SLC5A3: variants seen among roughly 807,000 people sequenced by gnomAD.
SLC5A3 encodes the protein solute carrier family 5 member 3, also known as sodium/myo-inositol cotransporter.
Under a neutral mutation model 43.2 loss-of-function variants are expected in SLC5A3, and 10 were observed. The ratio of observed to expected loss-of-function variants is 0.23; its 90% CI spans 0.14 to 0.39. SLC5A3 has a LOEUF of 0.39. Ranked by LOEUF, SLC5A3 falls within the 10% of genes least tolerant of loss-of-function variation. The probability of loss-of-function intolerance (pLI) is 1.00; values close to 1 mark genes in which losing one functional copy is unlikely to be tolerated. For missense variants in SLC5A3, 608 were observed against 893.4 expected (o/e 0.68, Z 4.07); for synonymous variants, 349 against 322.0 (o/e 1.08, Z -0.90).
In SLC5A3 at chr21:34,100,075, G is replaced by A; in HGVS notation, c.*2720G>A. The stretch of plus-strand genomic sequence containing the variant: ...GACATTGGTCTTTAGACATTAACAT[G>A]TGTATATTTTTATATTAGCTCAAGC... On this transcript the variant is annotated 3_prime_UTR_variant, in exon 2 of 2. Transcript: ENST00000381151. 5 of 997,484 alleles carry A rather than the reference G, an allele frequency of 5.0e-6. No homozygotes were observed. The highest frequency in any genetic ancestry group is 6.0e-6 in the Non-Finnish European group (5 of 827,572). 61.8% of individuals were successfully genotyped at this position (997,484 alleles called of 1,614,324 possible). A position where few individuals can be genotyped will look rare whatever the true frequency, so the allele number is the denominator to read the frequency against.
intron 1 of SLC5A3, among the ~76,000 whole-genome samples, chr21:34,087,247 G>A (rs1159767472): frequency 3.0e-5 from 3 of 99,024 alleles, no homozygotes; most frequent in Non-Finnish European, 6.0e-5. Context: ...ACTGGTGGAG[G>A]AGGGAGGAGG....
Position 34,103,126 on chromosome 21 carries a change from A to G in SLC5A3, c.*5771A>G. The G allele has an allele frequency of 1.0e-6, 1 of 1,000,166 alleles. No individual in the cohort carries two copies. Among genetic ancestry groups the G allele is most frequent in the Non-Finnish European group, 1.2e-6 (1 of 829,932 alleles). The allele number at this position is 1,000,166 out of a possible 1,614,324, so 62.0% of individuals were successfully genotyped here. On this transcript the variant is annotated 3_prime_UTR_variant, in exon 2 of 2. Coordinates refer to ENST00000381151, the MANE Select transcript of SLC5A3 (RefSeq NM_006933.7). ...CAGAAACGAGGCTTATTGCTATTGC[A>G]GAAATCCCAAACTGGCAAAGGCCAG...
intron 1 of SLC5A3, among the ~76,000 whole-genome samples, chr21:34,074,818 C>CA (rs1438516222): frequency 6.6e-6 from 1 of 152,220 alleles, no homozygotes; most frequent in Non-Finnish European, 1.5e-5. Context: ...GGAGTATTAC[C>CA]AAGTTTGGTT....
intron 1 of SLC5A3, among the ~76,000 whole-genome samples, chr21:34,089,499 G>C (rs975652977): frequency 2.0e-5 from 3 of 152,062 alleles, no homozygotes; most frequent in African/African-American, 7.3e-5. Flanking sequence ...AAAAATTCAT[G>C]ATGAGCCAAA....
In SLC5A3 at chr21:34,103,468, A is replaced by T. The variant is rs1979339477; in HGVS notation, c.*6113A>T. 2.0e-6 allele frequency: 2 copies of T among 998,872 alleles called. No individual in the cohort carries two copies. The highest frequency in any genetic ancestry group is 2.4e-6 in the Non-Finnish European group (2 of 828,794). 61.9% of individuals were successfully genotyped at this position (998,872 alleles called of 1,614,324 possible). A position where few individuals can be genotyped will look rare whatever the true frequency, so the allele number is the denominator to read the frequency against. Reference sequence around the variant, plus strand: ...AACTTAAAGTTACTTATGTTCTGTGATCTTAATTTTGTTGTGTTTCCATTG... The same window carrying T: ...AACTTAAAGTTACTTATGTTCTGTGTTCTTAATTTTGTTGTGTTTCCATTG... On this transcript the variant is annotated 3_prime_UTR_variant, in exon 2 of 2. Coordinates refer to ENST00000381151, the MANE Select transcript of SLC5A3 (RefSeq NM_006933.7).
At position 34,095,339 on chromosome 21, in the gene SLC5A3, C is replaced by T. The variant is rs558788508; in HGVS notation, c.141C>T (p.Thr47=). The change falls in exon 2 of 2, where the codon ACC becomes ACT. Residue 47 remains threonine, a synonymous_variant. Transcript: ENST00000381151. ...ACTTCCTGGCGGGGCGCTCTATGACCTGGGTAGCAATTGGTGCCTCTCTGT... is the reference window on the plus strand; with the variant it reads ...ACTTCCTGGCGGGGCGCTCTATGACTTGGGTAGCAATTGGTGCCTCTCTGT... The part of the protein sequence containing the change: ...SGYFLAGRSM[T]WVAIGASLFV... 3 of 1,614,124 alleles carry T rather than the reference C, an allele frequency of 1.9e-6. No homozygotes were observed. The highest frequency in any genetic ancestry group is 2.2e-5 in the South Asian group (2 of 91,084).
chr21:34,105,577 A>T lies in SLC5A3; in HGVS notation c.*8222A>T. The T allele has an allele frequency of 1.0e-6, 1 of 1,000,062 alleles. No individual in the cohort carries two copies. Among genetic ancestry groups the T allele is most frequent in the Non-Finnish European group, 1.2e-6 (1 of 829,822 alleles). 61.9% of individuals were successfully genotyped at this position (1,000,062 alleles called of 1,614,324 possible). On this transcript the variant is annotated 3_prime_UTR_variant, in exon 2 of 2. Coordinates refer to ENST00000381151, the MANE Select transcript of SLC5A3 (RefSeq NM_006933.7). Reference sequence around the variant, plus strand: ...ATGATGCTTTGTTCAGATTTTTTGTAAGAGACCAGTTAGTACACTGGGGGT... The same window carrying T: ...ATGATGCTTTGTTCAGATTTTTTGTTAGAGACCAGTTAGTACACTGGGGGT...
In SLC5A3 at chr21:34,095,862, C is replaced by T; in HGVS notation, c.664C>T (p.Pro222Ser). 1 of 1,614,062 alleles carries T rather than the reference C, an allele frequency of 6.2e-7. No individual in the cohort carries two copies. Among genetic ancestry groups the T allele is most frequent in the Non-Finnish European group, 8.5e-7 (1 of 1,179,990 alleles). Reference protein sequence around the residue: ...EVKRRYMLASPDVTSILLTYN... With the variant: ...EVKRRYMLASSDVTSILLTYN... ...TAAGAGAAGGTACATGTTGGCCTCA[C>T]CCGATGTCACTTCCATCTTATTGAC... Residue 222 changes from proline (P) to serine (S), a missense_variant, in exon 2 of 2, where the codon CCC becomes TCC. Physicochemically the swap from Pro to Ser is moderately conservative, Grantham distance 74 (BLOSUM62 -1). This residue lies in a region of SLC5A3 where 398 missense variants were observed against 668.6 expected (regional missense o/e 0.60). Transcript: ENST00000381151.
Position 34,098,364 on chromosome 21 carries a change from A to C in SLC5A3, c.*1009A>C, listed in dbSNP as rs879456962. ...AATTGACGCTGCCTTTGTGTGCTGGATTGCTCTACTTGATTAGATCATGAT... is the reference window on the plus strand; with the variant it reads ...AATTGACGCTGCCTTTGTGTGCTGGCTTGCTCTACTTGATTAGATCATGAT... On this transcript the variant is annotated 3_prime_UTR_variant, in exon 2 of 2. Coordinates refer to ENST00000381151, the MANE Select transcript of SLC5A3 (RefSeq NM_006933.7). 1.6e-5 allele frequency: 16 copies of C among 1,000,156 alleles called. No individual in the cohort carries two copies. In the South Asian group the frequency reaches 6.1e-4, roughly 38 times the overall value. 62.0% of individuals were successfully genotyped at this position (1,000,156 alleles called of 1,614,324 possible).
chr21:34,101,601 T>G lies in SLC5A3; in HGVS notation c.*4246T>G. On this transcript the variant is annotated 3_prime_UTR_variant, in exon 2 of 2. Coordinates refer to ENST00000381151, the MANE Select transcript of SLC5A3 (RefSeq NM_006933.7). The stretch of plus-strand genomic sequence containing the variant: ...CACATTGCTGTGTCAGTTCTACACC[T>G]AGTCTTTTCAGCACTTAGCAAATTC... 1.0e-6 allele frequency: 1 copy of G among 1,000,164 alleles called. No individual in the cohort carries two copies. The highest frequency in any genetic ancestry group is 1.2e-6 in the Non-Finnish European group (1 of 829,896). The allele number at this position is 1,000,164 out of a possible 1,614,324, so 62.0% of individuals were successfully genotyped here.
intron 1 of SLC5A3, among the ~76,000 whole-genome samples, chr21:34,074,923 G>A (rs550209438): frequency 6.6e-6 from 1 of 152,212 alleles, no homozygotes; most frequent in African/African-American, 2.4e-5. Flanking sequence ...AGGGACGCCA[G>A]TGCCTCTCTA....
intron 1 of SLC5A3, among the ~76,000 whole-genome samples, chr21:34,090,915 C>T (rs1325401253): frequency 1.3e-5 from 2 of 152,204 alleles, no homozygotes; most frequent in African/African-American, 2.4e-5. Context: ...ACACCCACCT[C>T]CCTTCTTACA....
Position 34,097,996 on chromosome 21 carries a change from T to C in SLC5A3, c.*641T>C, listed in dbSNP as rs1015893140. ...GGAAAAACTTTGTTCCAGTTCCTTT[T>C]TTTTTTTCTTTCTACTTTCAAGTTT... On this transcript the variant is annotated 3_prime_UTR_variant, in exon 2 of 2. Coordinates refer to ENST00000381151, the MANE Select transcript of SLC5A3 (RefSeq NM_006933.7). The C allele has an allele frequency of 1.0e-6, 1 of 999,200 alleles. No homozygotes were observed. 61.9% of individuals were successfully genotyped at this position (999,200 alleles called of 1,614,324 possible).
At position 34,106,123 on chromosome 21, in the gene SLC5A3, T is replaced by G; in HGVS notation, c.*8768T>G. ...CTGCTGCATTAGCCTTCAAAAGTAT[T>G]TGGAAACTTAAGATGAACTACATTT... On this transcript the variant is annotated 3_prime_UTR_variant, in exon 2 of 2. Coordinates refer to ENST00000381151, the MANE Select transcript of SLC5A3 (RefSeq NM_006933.7). 1.0e-6 allele frequency: 1 copy of G among 997,490 alleles called. No homozygotes were observed. The highest frequency in any genetic ancestry group is 1.2e-6 in the Non-Finnish European group (1 of 827,422). 61.8% of individuals were successfully genotyped at this position (997,490 alleles called of 1,614,324 possible). A position where few individuals can be genotyped will look rare whatever the true frequency, so the allele number is the denominator to read the frequency against.
At position 34,102,996 on chromosome 21, in the gene SLC5A3, T is replaced by G. The variant is rs1035345385; in HGVS notation, c.*5641T>G. 7.0e-6 allele frequency: 7 copies of G among 999,950 alleles called. No individual in the cohort carries two copies. Among genetic ancestry groups the G allele is most frequent in the Non-Finnish European group, 6.0e-6 (5 of 829,812 alleles). The allele number at this position is 999,950 out of a possible 1,614,324, so 61.9% of individuals were successfully genotyped here. On this transcript the variant is annotated 3_prime_UTR_variant, in exon 2 of 2. Coordinates refer to ENST00000381151, the MANE Select transcript of SLC5A3 (RefSeq NM_006933.7). ...AAAGAGTGTTTACTTTTTATTGCTC[T>G]TAGACAGAGTAGTCTAGATAAGTTT...
rs1288479856 is a variant in SLC5A3 at position 34,099,145 on chromosome 21, A to G, written c.*1790A>G. The G allele has an allele frequency of 1.9e-5, 19 of 999,270 alleles. No homozygotes were observed. In the African/African-American group the frequency reaches 2.6e-4, roughly 14 times the overall value. The allele number at this position is 999,270 out of a possible 1,614,324, so 61.9% of individuals were successfully genotyped here. ...GAGTCTGTAAATGAAAAAATAATTT[A>G]TGTATGAATAGCATGTATTTCTGAA... On this transcript the variant is annotated 3_prime_UTR_variant, in exon 2 of 2. Coordinates refer to ENST00000381151, the MANE Select transcript of SLC5A3 (RefSeq NM_006933.7).
rs375422179 is a variant in SLC5A3, at chr21:34,085,804, G to C, written c.-336-9059G>C. On this transcript the variant is annotated intron_variant, in intron 1 of 1. Coordinates refer to ENST00000381151, the MANE Select transcript of SLC5A3 (RefSeq NM_006933.7). ...GTTTTAGTAGAGACGGGGTTTCACC[G>C]TGTTAGCTAGGGTGGTCTTGATGTC... Among the ~76,000 whole-genome samples, 11 of 152,130 alleles carry C rather than the reference G, an allele frequency of 7.2e-5. No homozygotes were observed. The East Asian group carries it at 1.2e-3, about 16-fold the overall frequency.
intron 1 of SLC5A3, among the ~76,000 whole-genome samples, chr21:34,087,074 G>C (rs947104331): frequency 6.6e-5 from 10 of 152,242 alleles, no homozygotes; most frequent in African/African-American, 2.4e-4. Flanking sequence ...AAGTGGGCCA[G>C]ACTGGTGGTA....
In SLC5A3 at chr21:34,100,568, G is replaced by A; in HGVS notation, c.*3213G>A. On this transcript the variant is annotated 3_prime_UTR_variant, in exon 2 of 2. Coordinates refer to ENST00000381151, the MANE Select transcript of SLC5A3 (RefSeq NM_006933.7). Reference sequence around the variant, plus strand: ...GATCCATTGTATTTTGGCACAAAGAGCCTGGCCAGGGTCATGTAGCCATAG... The same window carrying A: ...GATCCATTGTATTTTGGCACAAAGAACCTGGCCAGGGTCATGTAGCCATAG... 1 of 1,000,230 alleles carries A rather than the reference G, an allele frequency of 1.0e-6. No homozygotes were observed. Among genetic ancestry groups the A allele is most frequent in the South Asian group, 4.7e-5 (1 of 21,278 alleles). 62.0% of individuals were successfully genotyped at this position (1,000,230 alleles called of 1,614,324 possible).
Sources: allele counts gnomAD v4.1 joint callset (sites outside exome capture counted in the v4.1 genomes callset), GRCh38; gene constraint gnomAD v4.1.1; regional missense constraint gnomAD v4.1.1; transcripts MANE v1.5; gene names NCBI Gene and HGNC (gene_info 2026-07-23, HGNC 2026-07-21).